ROPN1B: variants seen among roughly 807,000 people sequenced by gnomAD.
ROPN1B encodes rhophilin associated tail protein 1B, also known as ropporin-1B.
A neutral mutation model predicts 23.7 loss-of-function variants in ROPN1B; 13 were observed. That is an observed-to-expected ratio of 0.55 (90% confidence interval 0.36 to 0.87). The LOEUF (loss-of-function observed/expected upper bound fraction) is 0.87. Ranked by LOEUF, ROPN1B falls within the 40% of genes least tolerant of loss-of-function variation. ROPN1B has a pLI of 0.01. For synonymous variants in ROPN1B, 67 were observed against 100.4 expected (o/e 0.67, Z 1.99); for missense variants, 183 against 249.2 (o/e 0.73, Z 1.79).
intron 5 of ROPN1B, chr3:125,977,607 A>G (rs1938468420): frequency 5.1e-6 from 1 of 197,718 alleles, no homozygotes; most frequent in African/African-American, 2.4e-5. Context: ...GAACTCAGAC[A>G]TAAGAAAGCA....
chr3:125,970,189 G>A (rs1196089793), intron 1 of ROPN1B: 1 of 151,670 alleles, frequency 6.6e-6, no homozygotes, highest in African/African-American at 2.4e-5. Flanking sequence ...CAATGGAACT[G>A]ACAGGGTAAT....
At chr3:125,976,004 G>C (rs556694727) in intron 4 of ROPN1B, among the ~76,000 whole-genome samples, 1 of 152,274 alleles carries the variant, frequency 6.6e-6, no homozygotes, top group African/African-American at 2.4e-5. Flanking sequence ...TACTGATCAA[G>C]ACCATAATAT....
intron 3 of ROPN1B, among the ~76,000 whole-genome samples, chr3:125,974,134 C>G (rs1938314141): frequency 6.6e-6 from 1 of 152,176 alleles, no homozygotes. Context: ...GTTACTCTAC[C>G]CGGGCAGCAC....
chr3:125,974,548 G>A (rs917270361), intron 3 of ROPN1B, among the ~76,000 whole-genome samples: 5 of 152,228 alleles, frequency 3.3e-5, no homozygotes, highest in Non-Finnish European at 5.9e-5. Context: ...ACAGAAATTT[G>A]TGGTTCATGG....
chr3:125,972,243 T>G, intron 3 of ROPN1B, 73 bp downstream of exon 3: 1 of 1,453,686 alleles, frequency 6.9e-7, no homozygotes, highest in Non-Finnish European at 9.6e-7. Context: ...ACCGCGGAGG[T>G]TGTCATGGCT....
chr3:125,973,329 A>G lies in ROPN1B; in HGVS notation c.116+1159A>G, dbSNP rs548289529. 9 of 256,690 alleles carry G rather than the reference A, an allele frequency of 3.5e-5. No homozygotes were observed. The East Asian group carries it at 1.0e-3, about 29-fold the overall frequency. 15.9% of individuals were successfully genotyped at this position (256,690 alleles called of 1,614,324 possible). A position where few individuals can be genotyped will look rare whatever the true frequency, so the allele number is the denominator to read the frequency against. On this transcript the variant is annotated intron_variant, in intron 3 of 6. Transcript: ENST00000514116. Reference sequence around the variant, plus strand: ...TGTTGTGCTCCTGGTCTGGATTAGGATGCAGCTTTTACAATTGGAAGGAAA... The same window carrying G: ...TGTTGTGCTCCTGGTCTGGATTAGGGTGCAGCTTTTACAATTGGAAGGAAA...
intron 4 of ROPN1B, chr3:125,976,783 A>G: frequency 2.7e-6 from 2 of 744,290 alleles, no homozygotes; most frequent in Non-Finnish European, 4.9e-6. Context: ...TAATTCTGAC[A>G]CCTAAAGTTT....
intron 2 of ROPN1B, 126 bp downstream of exon 2, chr3:125,971,288 A>G (rs1445119433): frequency 6.6e-6 from 1 of 152,076 alleles, no homozygotes; most frequent in Non-Finnish European, 1.5e-5. Context: ...TTGTACTGAG[A>G]TTTGTCTGGC....
chr3:125,970,584 T>A (rs9856640), intron 1 of ROPN1B, among the ~76,000 whole-genome samples: 102,610 of 151,894 alleles, frequency 0.68, 36,076 homozygotes, highest in African/African-American at 0.88. Flanking sequence ...TTGTGTTTTT[T>A]AAAAATTCCT....
At chr3:125,973,675 T>C (rs1346969409) in intron 3 of ROPN1B, 1 of 153,476 alleles carries the variant, frequency 6.5e-6, no homozygotes. Flanking sequence ...CTATAATTTT[T>C]TTAGACATCC....
intron 5 of ROPN1B, among the ~76,000 whole-genome samples, chr3:125,980,978 T>G (rs544360207): frequency 9.9e-5 from 15 of 152,202 alleles, no homozygotes; most frequent in South Asian, 2.1e-4. Context: ...ATTTCCATGA[T>G]AGGACCCCCA....
chr3:125,969,815 T>C (rs1938128717), intron 1 of ROPN1B, among the ~76,000 whole-genome samples: 1 of 152,306 alleles, frequency 6.6e-6, no homozygotes, highest in Non-Finnish European at 1.5e-5. Context: ...CACACATTAT[T>C]TTATACCTAG....
intron 3 of ROPN1B, chr3:125,972,472 C>A: frequency 2.0e-6 from 1 of 491,600 alleles, no homozygotes. Flanking sequence ...TATGCACACC[C>A]ACCTCCTCCC....
In ROPN1B at chr3:125,982,389, T is replaced by C. The variant is rs1472432774; in HGVS notation, c.516T>C (p.Asp172=). 1.2e-6 allele frequency: 2 copies of C among 1,613,118 alleles called. No individual in the cohort carries two copies. Among genetic ancestry groups the C allele is most frequent in the Non-Finnish European group, 1.7e-6 (2 of 1,179,758 alleles). ...TCTACACGTATATTGCCGAAGTGGA[T>C]GGGGAGATCTGTGCATCACATGTCA... The part of the protein sequence containing the change: ...QFLYTYIAEV[D]GEICASHVSR... Residue 172 remains aspartate, a synonymous_variant, in exon 6 of 7, where the codon GAT becomes GAC. Transcript: ENST00000514116.
Position 125,970,351 on chromosome 3 carries a change from G to A in ROPN1B, c.-58-766G>A, listed in dbSNP as rs1242373800. On this transcript the variant is annotated intron_variant, in intron 1 of 6. Transcript: ENST00000514116. ...AGTTGTCTGTGCTTGGTTCCAAGCCGCTCATAGAAACCCTCTGAGATTCTG... is the reference window on the plus strand; with the variant it reads ...AGTTGTCTGTGCTTGGTTCCAAGCCACTCATAGAAACCCTCTGAGATTCTG... Among the ~76,000 whole-genome samples the A allele has an allele frequency of 2.6e-5, 4 of 152,222 alleles. No individual in the cohort carries two copies. The East Asian group carries it at 7.7e-4, about 29-fold the overall frequency.
In ROPN1B at chr3:125,972,236, G is replaced by T. The variant is rs751116724; in HGVS notation, c.116+66G>T. 9.2e-5 allele frequency: 141 copies of T among 1,524,852 alleles called. 1 individual carries two copies. The highest frequency in any genetic ancestry group is 1.7e-4 in the Middle Eastern group (1 of 5,910). 94.5% of individuals were successfully genotyped at this position (1,524,852 alleles called of 1,614,324 possible). ...CGGGGAGAGAGGGTCCTGTAAAACC[G>T]CGGAGGTTGTCATGGCTGCAGCCAG... On this transcript the variant is annotated intron_variant, in intron 3 of 6. Transcript: ENST00000514116.
intron 5 of ROPN1B, among the ~76,000 whole-genome samples, chr3:125,981,163 A>G (rs1938600032): frequency 2.0e-5 from 3 of 152,258 alleles, no homozygotes; most frequent in Admixed American, 1.3e-4. Context: ...TGTTTAAATT[A>G]CTTGCCATCA....
chr3:125,972,456 C>T (rs1050793078), intron 3 of ROPN1B: 24 of 512,896 alleles, frequency 4.7e-5, no homozygotes, highest in African/African-American at 4.6e-4. Flanking sequence ...CCGCGTCACA[C>T]CAGCGTATGC....
chr3:125,982,183 T>C (rs1345728470), intron 5 of ROPN1B, 87 bp from the exon 6 acceptor site: 32 of 1,140,082 alleles, frequency 2.8e-5, no homozygotes, highest in Middle Eastern at 2.0e-4. Flanking sequence ...AAGAGCAATA[T>C]TTTTGTTTTC....
Sources: gnomAD v4.1 joint callset for allele counts (sites outside exome capture counted in the v4.1 genomes callset) on GRCh38, gnomAD v4.1.1 for gene constraint, MANE v1.5 for transcripts, NCBI Gene and HGNC (gene_info 2026-07-23, HGNC 2026-07-21) for gene names.